TMEM165: variants seen among roughly 807,000 people sequenced by gnomAD.
TMEM165 encodes the protein transmembrane protein 165.
TMEM165 carries 19 observed loss-of-function variants against 30.0 expected under a neutral mutation model. That is an observed-to-expected ratio of 0.63 (90% CI 0.44 to 0.93). The LOEUF (loss-of-function observed/expected upper bound fraction) is 0.93, where lower values mean the gene tolerates loss of function less well. Ranked by LOEUF, TMEM165 falls within the 40% of genes least tolerant of loss-of-function variation. The pLI, the probability that TMEM165 is intolerant of heterozygous loss-of-function variation, is 0.00. For missense variants in TMEM165, 340 were observed against 417.0 expected (o/e 0.82, Z 1.61); for synonymous variants, 168 against 162.9 (o/e 1.03, Z -0.24).
intron 1 of TMEM165, among the ~76,000 whole-genome samples, chr4:55,406,071 A>G (rs1162449403): frequency 6.6e-6 from 1 of 152,190 alleles, no homozygotes; most frequent in Non-Finnish European, 1.5e-5. Context: ...TCCCACTGAA[A>G]CTTCCCAGGA....
In TMEM165 at chr4:55,404,480, C is replaced by G. The variant is rs568858098; in HGVS notation, c.208-7134C>G. ...TTGCTCTGTCGCCCTGGCTGGAGTT[C>G]AGTGGCACAATCATAGCTTACTGCA... On this transcript the variant is annotated intron_variant, in intron 1 of 5. Coordinates refer to ENST00000381334, the MANE Select transcript of TMEM165 (RefSeq NM_018475.5). Among the ~76,000 whole-genome samples, 35 of 152,148 alleles carry G rather than the reference C, an allele frequency of 2.3e-4. 1 individual carries two copies. The highest frequency in any genetic ancestry group is 2.1e-3 in the South Asian group (10 of 4,820).
downstream of TMEM165, among the ~76,000 whole-genome samples, chr4:55,426,745 C>T (rs1445324744): frequency 6.6e-6 from 1 of 152,164 alleles, no homozygotes; most frequent in Non-Finnish European, 1.5e-5. Flanking sequence ...TGTGAAAGAA[C>T]CCAGTTAATC....
intron 3 of TMEM165, chr4:55,443,666 C>T (rs1261444234): frequency 6.9e-6 from 11 of 1,590,146 alleles, no homozygotes; most frequent in African/African-American, 2.7e-5. Flanking sequence ...CTCCATAGCC[C>T]GCTGTGCTCA....
chr4:55,407,734 A>G (rs569832655), intron 1 of TMEM165, among the ~76,000 whole-genome samples: 1 of 152,332 alleles, frequency 6.6e-6, no homozygotes, highest in South Asian at 2.1e-4. Flanking sequence ...TGAAAAGACC[A>G]TTACGTTTCT....
At chr4:55,452,133 TG>T (rs1724513081) in intron 3 of TMEM165, 1 of 152,250 alleles carries the variant, frequency 6.6e-6, no homozygotes, top group African/African-American at 2.4e-5. Context: ...ATCTTGAGTG[TG>T]GGCTGGATCT....
downstream of TMEM165, among the ~76,000 whole-genome samples, chr4:55,427,398 A>G (rs1722265005): frequency 6.6e-6 from 1 of 150,744 alleles, no homozygotes; most frequent in South Asian, 2.1e-4. Context: ...GCTGGAATGC[A>G]GTGGCGCAAT....
chr4:55,448,601 C>CGCGCGTGTGTGTGTGT (rs764071880), intron 3 of TMEM165, among the ~76,000 whole-genome samples: 7 of 116,980 alleles, frequency 6.0e-5, no homozygotes, highest in Admixed American at 1.7e-4. Context: ...CGCACGCGCG[C>CGCGCGTGTGTGTGTGT]GTGTGTGTGT....
chr4:55,432,062 T>C (rs1380827941), intron 3 of TMEM165: 2 of 152,222 alleles, frequency 1.3e-5, no homozygotes, highest in African/African-American at 4.8e-5. Flanking sequence ...ACTGGCATCT[T>C]GTTATTACTA....
intron 3 of TMEM165, chr4:55,444,846 G>A: frequency 6.6e-7 from 1 of 1,522,916 alleles, no homozygotes; most frequent in Non-Finnish European, 9.0e-7. Context: ...CCTTATAATT[G>A]CACAACATGA....
chr4:55,413,375 C>G (rs989092784), intron 2 of TMEM165, among the ~76,000 whole-genome samples: 4 of 152,010 alleles, frequency 2.6e-5, no homozygotes, highest in African/African-American at 9.7e-5. Context: ...AGTGCAGTGG[C>G]ATGATCCCGA....
At position 55,438,463 on chromosome 4, in the gene TMEM165, C is replaced by T. The variant is rs761904275; in HGVS notation, c.409-13776C>T. On this transcript the variant is annotated intron_variant, in intron 3 of 3. Coordinates refer to the TMEM165 transcript ENST00000608091. ...CACCACCTGGCCCATAAGCATAGTA[C>T]TAGGTACCATGACTGCCCCACAAGC... The T allele has an allele frequency of 1.9e-6, 3 of 1,613,732 alleles. No individual in the cohort carries two copies. In the African/African-American group the frequency reaches 4.0e-5, roughly 22 times the overall value.
chr4:55,405,222 T>C (rs138807220), intron 1 of TMEM165, among the ~76,000 whole-genome samples: 99 of 152,350 alleles, frequency 6.5e-4, no homozygotes, highest in African/African-American at 2.3e-3. Context: ...ATGTTATTAA[T>C]AGATTCTTGG....
In TMEM165 at chr4:55,417,172, C is replaced by T. The variant is rs1721768156; in HGVS notation, c.534C>T (p.Gly178=). The change falls in exon 3 of 6, where the codon GGC becomes GGT. Residue 178 remains glycine, a synonymous_variant. Transcript: ENST00000381334. ...TTGGCATTAGAATGCTTCGGGAAGGCTTAAAGATGAGCCCTGATGAGGGTC... is the reference window on the plus strand; with the variant it reads ...TTGGCATTAGAATGCTTCGGGAAGGTTTAAAGATGAGCCCTGATGAGGGTC... ...AIFGIRMLRE[G]LKMSPDEGQE... is the part of the protein sequence containing the mutation. 9 of 1,613,898 alleles carry T rather than the reference C, an allele frequency of 5.6e-6. No individual in the cohort carries two copies. The highest frequency in any genetic ancestry group is 7.6e-6 in the Non-Finnish European group (9 of 1,179,986).
intron 3 of TMEM165, chr4:55,444,768 T>A: frequency 1.2e-6 from 2 of 1,614,064 alleles, no homozygotes; most frequent in Non-Finnish European, 1.7e-6. Context: ...TGGCTCCTAA[T>A]TGAGCTGAAA....
intron 3 of TMEM165, chr4:55,438,622 G>C: frequency 2.5e-6 from 4 of 1,594,948 alleles, no homozygotes; most frequent in Non-Finnish European, 3.4e-6. Context: ...ACTTACCTAA[G>C]ATAATACCCA....
At chr4:55,421,574 G>A (rs367672660) in intron 4 of TMEM165, among the ~76,000 whole-genome samples, 122 of 152,002 alleles carry the variant, frequency 8.0e-4, no homozygotes, top group South Asian at 7.3e-3. Flanking sequence ...CTGAGATTAC[G>A]CCCGGCCTAA....
rs1724090989 is a variant in TMEM165 at position 55,448,585 on chromosome 4, CGCGCGCGCACGCGCGCGTGT to C, written c.409-3652_409-3633del. Among the ~76,000 whole-genome samples the C allele has an allele frequency of 4.1e-5, 3 of 72,932 alleles. No individual in the cohort carries two copies. In the South Asian group the frequency reaches 2.4e-3, roughly 59 times the overall value. 47.8% of individuals were successfully genotyped at this position (72,932 alleles called of 152,430 possible). ...ATCTGTAACTATAATTATATATGTG[CGCGCGCGCACGCGCGCGTGT>C]GTGTGTGTGTGTGTGTGTGTGTGTG... On this transcript the variant is annotated intron_variant, in intron 3 of 3. Coordinates refer to the TMEM165 transcript ENST00000608091.
chr4:55,400,216 T>TCA (rs1720899822), intron 1 of TMEM165, among the ~76,000 whole-genome samples: 3 of 21,552 alleles, frequency 1.4e-4, no homozygotes, highest in Non-Finnish European at 1.9e-4. Context: ...TATATTTATA[T>TCA]TATATATTAA....
intron 1 of TMEM165, among the ~76,000 whole-genome samples, chr4:55,408,312 A>T (rs1009634964): frequency 2.6e-5 from 4 of 152,106 alleles, no homozygotes; most frequent in Non-Finnish European, 5.9e-5. Context: ...TCGCTTAATG[A>T]TGGGGATGTG....
Sources: gnomAD v4.1 joint callset for allele counts (sites outside exome capture counted in the v4.1 genomes callset) on GRCh38, gnomAD v4.1.1 for gene constraint, MANE v1.5 for transcripts, NCBI Gene and HGNC (gene_info 2026-07-23, HGNC 2026-07-21) for gene names.